Variants in LPAR1 observed in about 807,000 individuals in gnomAD.
The protein encoded by LPAR1 is LPA receptor 1.
Under a neutral mutation model 23.8 loss-of-function variants are expected in LPAR1, and 5 were observed. That is an observed-to-expected ratio of 0.21 (90% confidence interval 0.11 to 0.44). The LOEUF (loss-of-function observed/expected upper bound fraction) is 0.44. Ranked by LOEUF, LPAR1 falls within the 20% of genes least tolerant of loss-of-function variation. The pLI is 0.99. For missense variants in LPAR1, 311 were observed against 482.8 expected (o/e 0.64, Z 3.33); for synonymous variants, 160 against 164.7 (o/e 0.97, Z 0.22).
intron 2 of LPAR1, among the ~76,000 whole-genome samples, chr9:111,005,151 CA>C (rs71371700): frequency 0.4 from 29,543 of 74,784 alleles, 2,939 homozygotes; most frequent in Middle Eastern, 0.46. Flanking sequence ...GACAAAGTCT[CA>C]AAAAAAAAAA....
At chr9:110,928,438 A>G (rs546396121) in intron 5 of LPAR1, among the ~76,000 whole-genome samples, 2 of 152,276 alleles carry the variant, frequency 1.3e-5, no homozygotes, top group South Asian at 4.2e-4. Context: ...CTGCCACTCT[A>G]AATAAGTAGT....
At chr9:111,031,255 G>A (rs1387123083) in intron 2 of LPAR1, among the ~76,000 whole-genome samples, 3 of 151,958 alleles carry the variant, frequency 2.0e-5, no homozygotes, top group Admixed American at 6.6e-5. Context: ...CCATGACAGG[G>A]TGACTTCAAA....
chr9:110,888,949 A>T (rs2133068423), intron 5 of LPAR1, among the ~76,000 whole-genome samples: 1 of 152,358 alleles, frequency 6.6e-6, no homozygotes, highest in Non-Finnish European at 1.5e-5. Context: ...TTGGAGTAAC[A>T]TCGAGAGAGC....
At chr9:110,920,233 T>A (rs2093528318) in intron 5 of LPAR1, among the ~76,000 whole-genome samples, 1 of 152,188 alleles carries the variant, frequency 6.6e-6, no homozygotes, top group Non-Finnish European at 1.5e-5. Flanking sequence ...ATCTGAATAT[T>A]TGGAAAAGTA....
intron 4 of LPAR1, among the ~76,000 whole-genome samples, chr9:110,969,666 C>A (rs562441206): frequency 6.6e-6 from 1 of 151,166 alleles, no homozygotes; most frequent in South Asian, 2.1e-4. Flanking sequence ...GAGACAAGAT[C>A]GTGCCACTAC....
rs1156640235 is a variant in LPAR1, at chr9:110,936,009, C to T, written c.793+5412G>A. On this transcript the variant is annotated intron_variant, in intron 5 of 5. Transcript: ENST00000683809. ...TTGCTCATGAACTGGTCACCTTCTC[C>T]TCCACCCAATGCTACAGTGAGGCAA... is the stretch of plus-strand genomic sequence containing the variant. Among the ~76,000 whole-genome samples the T allele has an allele frequency of 2.6e-5, 4 of 152,308 alleles. No homozygotes were observed. In the East Asian group the frequency reaches 7.7e-4, roughly 29 times the overall value.
At chr9:110,963,538 T>C (rs1379065077) in intron 4 of LPAR1, among the ~76,000 whole-genome samples, 1 of 152,154 alleles carries the variant, frequency 6.6e-6, no homozygotes, top group Non-Finnish European at 1.5e-5. Flanking sequence ...GTAAAGAACT[T>C]CCAGAATTTA....
intron 5 of LPAR1, among the ~76,000 whole-genome samples, chr9:110,936,326 T>C (rs2094704682): frequency 6.6e-6 from 1 of 152,166 alleles, no homozygotes; most frequent in Non-Finnish European, 1.5e-5. Context: ...TTCATCAGAG[T>C]GAATAAGAAA....
chr9:110,996,399 AAAT>A (rs2097006152), intron 2 of LPAR1, among the ~76,000 whole-genome samples: 1 of 152,086 alleles, frequency 6.6e-6, no homozygotes, highest in Non-Finnish European at 1.5e-5. Context: ...TCTACTTAAA[AAAT>A]AATAATAAAT....
chr9:111,003,089 A>G (rs1564309204), intron 2 of LPAR1, among the ~76,000 whole-genome samples: 1 of 152,228 alleles, frequency 6.6e-6, no homozygotes, highest in South Asian at 2.1e-4. Flanking sequence ...TTTGAAATGG[A>G]AATCCCCTGA....
intron 2 of LPAR1, among the ~76,000 whole-genome samples, chr9:110,998,450 A>G (rs1265357022): frequency 6.6e-6 from 1 of 152,220 alleles, no homozygotes; most frequent in Non-Finnish European, 1.5e-5. Flanking sequence ...TATTCAATAA[A>G]GACTGTAACT....
At chr9:110,982,822 AGACTT>A (rs2096699507) in intron 2 of LPAR1, among the ~76,000 whole-genome samples, 1 of 150,774 alleles carries the variant, frequency 6.6e-6, no homozygotes, top group African/African-American at 2.4e-5. Context: ...ATTGGGCAAA[AGACTT>A]GAGTAGACAC....
intron 5 of LPAR1, among the ~76,000 whole-genome samples, chr9:110,902,598 T>C (rs2133912483): frequency 6.6e-6 from 1 of 152,274 alleles, no homozygotes; most frequent in Middle Eastern, 3.4e-3. Flanking sequence ...CTCAGGTATG[T>C]CTTTATTAGC....
intron 5 of LPAR1, among the ~76,000 whole-genome samples, chr9:110,898,765 C>T (rs2087469529): frequency 6.6e-6 from 1 of 152,328 alleles, no homozygotes; most frequent in Non-Finnish European, 1.5e-5. Context: ...GCTAACTAAA[C>T]TAGAATTTTT....
intron 4 of LPAR1, among the ~76,000 whole-genome samples, chr9:110,948,315 A>G (rs906166159): frequency 2.6e-5 from 4 of 152,184 alleles, no homozygotes; most frequent in Non-Finnish European, 5.9e-5. Flanking sequence ...TTGTCACAAT[A>G]ACTAGAAAAT....
intron 5 of LPAR1, among the ~76,000 whole-genome samples, chr9:110,901,018 G>C (rs974543547): frequency 1.2e-4 from 19 of 152,174 alleles, no homozygotes; most frequent in African/African-American, 4.6e-4. Flanking sequence ...CCTATAAACT[G>C]CTCTTCAGAG....
At chr9:111,038,886 T>A (rs957405316), upstream of LPAR1, among the ~76,000 whole-genome samples, 9 of 151,916 alleles carry the variant, frequency 5.9e-5, no homozygotes, top group Admixed American at 5.9e-4. The surrounding 1 kb of genome is among the most constrained non-coding windows in gnomAD (Gnocchi z 4.4). Context: ...GCCGGACAGC[T>A]GGCAGGACTC....
chr9:111,029,200 T>C (rs1305934640), intron 2 of LPAR1, among the ~76,000 whole-genome samples: 1 of 152,246 alleles, frequency 6.6e-6, no homozygotes, highest in Non-Finnish European at 1.5e-5. Flanking sequence ...CATTTACTTC[T>C]ACATTTAGCA....
At position 110,875,790 on chromosome 9, in the gene LPAR1, C is replaced by A. The variant is rs182493473; in HGVS notation, c.794-68G>T. The A allele has an allele frequency of 1.7e-3, 1,473 of 850,454 alleles. 3 individuals carry two copies. The highest frequency in any genetic ancestry group is 1.9e-3 in the Non-Finnish European group (1,136 of 583,352). 52.7% of individuals were successfully genotyped at this position (850,454 alleles called of 1,614,324 possible). A position where few individuals can be genotyped will look rare whatever the true frequency, so the allele number is the denominator to read the frequency against. On this transcript the variant is annotated intron_variant, in intron 5 of 5. Transcript: ENST00000683809. ...GAATGAAAAAATATTATAAAACATG[C>A]GACCATAAAGTGAAATGATTTCAGT...
Sources: gnomAD v4.1 joint callset for allele counts (sites outside exome capture counted in the v4.1 genomes callset) on GRCh38, gnomAD v4.1.1 for gene constraint, Gnocchi (gnomAD v3.1) non-coding constraint, MANE v1.5 for transcripts, NCBI Gene and HGNC (gene_info 2026-07-23, HGNC 2026-07-21) for gene names.